SI: variants seen among roughly 807,000 people sequenced by gnomAD.
SI encodes sucrase-isomaltase, intestinal.
In SI, 235 loss-of-function variants were observed where a neutral mutation model predicts 253.3. The observed-to-expected ratio is 0.93, with a 90% CI of 0.83 to 1.03. The LOEUF is 1.03. SI is among the 50% of genes least tolerant of loss of function. The probability of loss-of-function intolerance (pLI) is 0.00; values close to 1 mark genes in which losing one functional copy is unlikely to be tolerated. For synonymous variants in SI, 819 were observed against 712.0 expected, an observed-to-expected ratio of 1.15 and a Z score of -2.39; for missense variants, 2,442 against 2,211.1, an observed-to-expected ratio of 1.10 and a Z score of -2.09.
At chr3:165,084,147 A>C in the SI span, among the ~76,000 whole-genome samples, 3 of 152,094 alleles carry the variant, frequency 2.0e-5, no homozygotes, top group South Asian at 2.1e-4. Context: ...AAAAGGCCCC[A>C]AAAAGAACCT....
Position 165,058,988 on chromosome 3 carries a change from T to C in SI, c.1373A>G (p.Asp458Gly). The change falls in exon 12 of 48, where the codon GAT becomes GGT. Residue 458 changes from aspartate to glycine, a missense_variant. Transcript: ENST00000264382. ...NTQHVWINES[D>G]GSTPIIGEVW... is the part of the protein sequence containing the mutation. ...CTCTCCAATAATTGGTGTACTTCCA[T>C]CTGACTCATTTATCCACACATGTTG... is the stretch of plus-strand genomic sequence containing the variant. 1.9e-6 allele frequency: 3 copies of C among 1,611,738 alleles called. No homozygotes were observed. Among genetic ancestry groups the C allele is most frequent in the Non-Finnish European group, 8.5e-7 (1 of 1,178,390 alleles).
At chr3:165,041,675 C>T (rs1046327157) in intron 17 of SI, among the ~76,000 whole-genome samples, 9 of 152,096 alleles carry the variant, frequency 5.9e-5, no homozygotes, top group Admixed American at 5.9e-4. Context: ...ATTTGTAGTG[C>T]AGCCTCTCTA....
intron 13 of SI, among the ~76,000 whole-genome samples, chr3:165,053,658 C>A (rs1339936484): frequency 5.9e-5 from 9 of 152,114 alleles, no homozygotes; most frequent in Non-Finnish European, 7.3e-5. Flanking sequence ...CTCTCCCACA[C>A]TTTGGAGGTG....
chr3:165,009,136 G>T (rs372679719), intron 35 of SI, 143 bp downstream of exon 35: 2 of 621,656 alleles, frequency 3.2e-6, no homozygotes, highest in Admixed American at 2.6e-5. Flanking sequence ...GCAGTTGTTT[G>T]TGTAAGAAAG....
chr3:165,019,014 AT>A (rs943540804), intron 28 of SI, among the ~76,000 whole-genome samples: 1 of 151,782 alleles, frequency 6.6e-6, no homozygotes, highest in African/African-American at 2.4e-5. Flanking sequence ...ATTAAAATAT[AT>A]TTTTTATGAT....
intron 35 of SI, among the ~76,000 whole-genome samples, chr3:165,008,663 T>G (rs192423827): frequency 1.6e-4 from 24 of 152,076 alleles, no homozygotes; most frequent in African/African-American, 4.6e-4. Flanking sequence ...TCTACAAAGT[T>G]TCCACATAGT....
intron 45 of SI, among the ~76,000 whole-genome samples, chr3:164,985,809 T>A (rs1717407205): frequency 6.6e-6 from 1 of 152,048 alleles, no homozygotes; most frequent in Admixed American, 6.6e-5. Flanking sequence ...AAAAATCTCC[T>A]ATGGGAGATT....
chr3:165,076,908 A>T (rs1715018874), intron 1 of SI, among the ~76,000 whole-genome samples: 1 of 150,986 alleles, frequency 6.6e-6, no homozygotes, highest in Non-Finnish European at 1.5e-5. Flanking sequence ...TCAAAGACAT[A>T]TACCAAAGTA....
rs561100812 is a variant in SI at position 164,988,750 on chromosome 3, C to A, written c.5109-1524G>T. 1.5e-3 allele frequency among the ~76,000 whole-genome samples: 222 copies of A among 152,164 alleles called. 1 individual carries two copies. Among genetic ancestry groups the A allele is most frequent in the African/African-American group, 5.1e-3 (212 of 41,538 alleles). On this transcript the variant is annotated intron_variant, in intron 44 of 47. Transcript: ENST00000264382. ...TTGAATGTCAAAGCAAGGAATTTTG[C>A]AATGGAAATAAAGACTGTGACAGGA... is the stretch of plus-strand genomic sequence containing the variant.
chr3:165,050,414 A>G (rs1713367686), intron 13 of SI, among the ~76,000 whole-genome samples: 1 of 152,076 alleles, frequency 6.6e-6, no homozygotes, highest in Admixed American at 6.6e-5. Flanking sequence ...AGAGAACCCC[A>G]GGTGAGCATG....
At position 165,055,294 on chromosome 3, in the gene SI, A is replaced by G. The variant is rs555452538; in HGVS notation, c.1412T>C (p.Leu471Ser). The change falls in exon 13 of 48, where the codon TTA (leucine) becomes TCA (serine). Residue 471 changes from leucine (L) to serine (S), a missense_variant. Coordinates refer to ENST00000264382, the MANE Select transcript of SI (RefSeq NM_001041.4). ...GTTAGTGAAATCAGGGTATACTGTT[A>G]ATCCTGGCCATACCTAGAAGAATAG... ...TPIIGEVWPG[L>S]TVYPDFTNPN... 1.3e-6 allele frequency: 2 copies of G among 1,576,606 alleles called. No homozygotes were observed. Among genetic ancestry groups the G allele is most frequent in the South Asian group, 2.2e-5 (2 of 90,280 alleles).
chr3:165,031,017 C>T, intron 24 of SI, 150 bp from the exon 25 acceptor site: 1 of 1,181,218 alleles, frequency 8.5e-7, no homozygotes, highest in Non-Finnish European at 1.1e-6. Context: ...CAAATTAAAT[C>T]ATTAATAGTT....
At chr3:165,088,771 AC>A in the SI span, among the ~76,000 whole-genome samples, 1 of 152,072 alleles carries the variant, frequency 6.6e-6, no homozygotes, top group Non-Finnish European at 1.5e-5. Flanking sequence ...TTTTTTTTAA[AC>A]CTTTTAACAT....
At chr3:165,034,748 T>C (rs957855571) in intron 22 of SI, among the ~76,000 whole-genome samples, 8 of 152,108 alleles carry the variant, frequency 5.3e-5, no homozygotes, top group Middle Eastern at 3.4e-3. Flanking sequence ...GCACAAATAA[T>C]AAGCTCTCTA....
intron 7 of SI, 100 bp downstream of exon 7, chr3:165,065,161 T>C: frequency 1.3e-6 from 1 of 766,478 alleles, no homozygotes; most frequent in Non-Finnish European, 2.2e-6. Context: ...TCAAATAGTT[T>C]AGTTGATCAG....
intron 13 of SI, among the ~76,000 whole-genome samples, chr3:165,052,024 AT>A (rs1417746287): frequency 6.6e-6 from 1 of 152,144 alleles, no homozygotes; most frequent in Non-Finnish European, 1.5e-5. Flanking sequence ...TTTTTTCATA[AT>A]TTTAACCATA....
intron 4 of SI, 58 bp downstream of exon 4, chr3:165,069,020 C>G: frequency 8.1e-7 from 1 of 1,235,332 alleles, no homozygotes; most frequent in Non-Finnish European, 1.2e-6. Context: ...GTATTTTCCA[C>G]ATTTTCGCTC....
intron 37 of SI, among the ~76,000 whole-genome samples, chr3:165,005,496 A>C (rs2108152317): frequency 6.6e-6 from 1 of 152,252 alleles, no homozygotes; most frequent in East Asian, 1.9e-4. Flanking sequence ...GACACTTAAA[A>C]AAAATCTAAA....
At chr3:165,044,300 G>T (rs1162047729) in intron 16 of SI, among the ~76,000 whole-genome samples, 1 of 151,854 alleles carries the variant, frequency 6.6e-6, no homozygotes, top group East Asian at 1.9e-4. Flanking sequence ...TTATTCTATG[G>T]TGTACATACA....
Sources: gnomAD v4.1 joint callset for allele counts (sites outside exome capture counted in the v4.1 genomes callset) on GRCh38, gnomAD v4.1.1 for gene constraint, MANE v1.5 for transcripts, NCBI Gene and HGNC (gene_info 2026-07-23, HGNC 2026-07-21) for gene names.